The following AEBP1 variants were observed in gnomAD, a reference collection of about 807,000 sequenced individuals.
AEBP1 encodes adipocyte enhancer-binding protein 1.
Under a neutral mutation model 116.5 loss-of-function variants are expected in AEBP1, and 69 were observed. The ratio of observed to expected loss-of-function variants is 0.59; its 90% CI spans 0.49 to 0.72. The LOEUF (loss-of-function observed/expected upper bound fraction) is 0.72. Among genes scored for constraint, AEBP1 ranks in the 30% least tolerant of loss-of-function variants. AEBP1 has a pLI of 0.00. For missense variants in AEBP1, 1,444 were observed against 1,557.5 expected (o/e 0.93, Z 1.23); for synonymous variants, 627 against 627.3 (o/e 1.00, Z 0.01).
intron 9 of AEBP1, chr7:44,109,761 G>A: frequency 3.4e-6 from 2 of 581,300 alleles, no homozygotes; most frequent in Non-Finnish European, 6.2e-6. Flanking sequence ...GGCATGGTCA[G>A]CCCGTTCTCC....
At position 44,110,732 on chromosome 7, in the gene AEBP1, T is replaced by A; in HGVS notation, c.1408T>A (p.Phe470Ile). 6.6e-7 allele frequency: 1 copy of A among 1,522,804 alleles called. No individual in the cohort carries two copies. The highest frequency in any genetic ancestry group is 8.8e-7 in the Non-Finnish European group (1 of 1,134,364). The allele number at this position is 1,522,804 out of a possible 1,614,324, so 94.3% of individuals were successfully genotyped here. The change falls in exon 12 of 21, where the codon TTT (phenylalanine) becomes ATT (isoleucine). Residue 470 changes from phenylalanine to isoleucine, a missense_variant. Coordinates refer to ENST00000223357, the MANE Select transcript of AEBP1 (RefSeq NM_001129.5). The part of the protein sequence containing the change: ...QGRDSSIHDD[F>I]VTTFFVGFSN... ...CCACTGTCCACTCCACAGTGACGAT[T>A]TTGTGACCACCTTCTTCGTGGGCTT...
rs890546356 is a variant in AEBP1, at chr7:44,107,971, C to T, written c.863-36C>T. 4.6e-5 allele frequency: 62 copies of T among 1,345,898 alleles called. 1 individual carries two copies. The highest frequency in any genetic ancestry group is 6.1e-5 in the Admixed American group (3 of 48,912). 83.4% of individuals were successfully genotyped at this position (1,345,898 alleles called of 1,614,324 possible). A position where few individuals can be genotyped will look rare whatever the true frequency, so the allele number is the denominator to read the frequency against. On this transcript the variant is annotated intron_variant, in intron 5 of 20. Transcript: ENST00000223357. This position sits in a 1 kb window ranked among gnomAD's most constrained non-coding sequence, Gnocchi z 4.3. Reference sequence around the variant, plus strand: ...AGGAGAGGAGGTGCCATGGCCACGGCGCTCTGGCCCCCTCCTAACCTCCCC... The same window carrying T: ...AGGAGAGGAGGTGCCATGGCCACGGTGCTCTGGCCCCCTCCTAACCTCCCC...
At chr7:44,110,377 G>A (rs2096227936) in intron 11 of AEBP1, 31 bp downstream of exon 11, 3 of 1,613,218 alleles carry the variant, frequency 1.9e-6, no homozygotes, top group Middle Eastern at 1.7e-4. Context: ...ATAGTTGGCA[G>A]AGGGGAGTGG....
intron 12 of AEBP1, 31 bp downstream of exon 12, chr7:44,110,840 CTCCCATTG>C: frequency 6.2e-7 from 1 of 1,606,718 alleles, no homozygotes; most frequent in South Asian, 1.1e-5. Context: ...CTTGGCTCTG[CTCCCATTG>C]TCTGGGCGAG....
rs756077372 is a variant in AEBP1, at chr7:44,113,893, C to G, written c.3109C>G (p.Arg1037Gly). 1.9e-6 allele frequency: 3 copies of G among 1,613,040 alleles called. No individual in the cohort carries two copies. Among genetic ancestry groups the G allele is most frequent in the Admixed American group, 1.7e-5 (1 of 59,980 alleles). ...GCTTCGGGCACAGATGCGGCTGCGG[C>G]GCCTCAACGCCACCACCACCCTAGG... ...LRLRAQMRLR[R>G]LNATTTLGPH... Residue 1037 changes from arginine to glycine, a missense_variant, in exon 21 of 21, where the codon CGC becomes GGC. By Grantham distance (125) the Arg-to-Gly change is moderately radical (BLOSUM62 -2). Transcript: ENST00000223357. This position sits in a 1 kb window ranked among gnomAD's most constrained non-coding sequence, Gnocchi z 5.3.
At position 44,114,312 on chromosome 7, in the gene AEBP1, C is replaced by T. The variant is rs778202934; in HGVS notation, c.*51C>T. On this transcript the variant is annotated 3_prime_UTR_variant, in exon 21 of 21. Coordinates refer to ENST00000223357, the MANE Select transcript of AEBP1 (RefSeq NM_001129.5). ...CCCAACTCAAGCTACAGCAGCAGCA[C>T]TTCCCAAGCCTGCTGACCACAGTCA... 4 of 1,585,216 alleles carry T rather than the reference C, an allele frequency of 2.5e-6. No homozygotes were observed. The South Asian group carries it at 3.4e-5, about 13-fold the overall frequency.
Position 44,113,252 on chromosome 7 carries a change from G to A in AEBP1, c.2710G>A (p.Val904Met). 2.5e-6 allele frequency: 4 copies of A among 1,613,758 alleles called. No individual in the cohort carries two copies. The highest frequency in any genetic ancestry group is 3.4e-6 in the Non-Finnish European group (4 of 1,179,912). Residue 904 changes from valine to methionine, a missense_variant and splice_region_variant, in exon 20 of 21, where the codon GTG becomes ATG. By Grantham distance (21) the Val-to-Met change is conservative (BLOSUM62 1). Coordinates refer to ENST00000223357, the MANE Select transcript of AEBP1 (RefSeq NM_001129.5). The surrounding 1 kb of genome is among the most constrained non-coding windows in gnomAD (Gnocchi z 5.3). ...CAGCAGCCCTCACCTGCTTCCCTAG[G>A]TGCACCGCGGCATTAAGGGGGTGGT... The part of the protein sequence containing the change: ...KEALLTFMEQ[V>M]HRGIKGVVTD...
chr7:44,107,980 C>A lies in AEBP1; in HGVS notation c.863-27C>A. On this transcript the variant is annotated intron_variant, in intron 5 of 20. Transcript: ENST00000223357. This position sits in a 1 kb window ranked among gnomAD's most constrained non-coding sequence, Gnocchi z 4.3. Reference sequence around the variant, plus strand: ...GGTGCCATGGCCACGGCGCTCTGGCCCCCTCCTAACCTCCCCGCCTCCCCA... The same window carrying A: ...GGTGCCATGGCCACGGCGCTCTGGCACCCTCCTAACCTCCCCGCCTCCCCA... The A allele has an allele frequency of 6.4e-7, 1 of 1,571,786 alleles. No individual in the cohort carries two copies. Among genetic ancestry groups the A allele is most frequent in the South Asian group, 1.2e-5 (1 of 86,192 alleles).
rs1264043110 is a variant in AEBP1, at chr7:44,107,775, C to T, written c.740-34C>T. ...GATGTGCCAATGGGCCCATCCCAGC[C>T]TTGGGCCCCACTCTGAGCCAGCCTC... is the stretch of plus-strand genomic sequence containing the variant. On this transcript the variant is annotated intron_variant, in intron 4 of 20. Coordinates refer to ENST00000223357, the MANE Select transcript of AEBP1 (RefSeq NM_001129.5). The surrounding 1 kb of genome is among the most constrained non-coding windows in gnomAD (Gnocchi z 4.3). The T allele has an allele frequency of 3.7e-6, 6 of 1,612,694 alleles. No homozygotes were observed. The highest frequency in any genetic ancestry group is 3.3e-4 in the Middle Eastern group (2 of 6,060).
rs2096231728 is a variant in AEBP1, at chr7:44,113,070, G to C, written c.2649G>C (p.Glu883Asp). ...TGGGCTGTGACAAGTTCCCTCATGA[G>C]AGTGAGCTGCCCCGCGAGTGGGAGA... is the stretch of plus-strand genomic sequence containing the variant. ...FYLGCDKFPHESELPREWENN... is the reference protein window; with the variant it reads ...FYLGCDKFPHDSELPREWENN... The change falls in exon 19 of 21, where the codon GAG becomes GAC. Residue 883 changes from glutamate (E) to aspartate (D), a missense_variant. Transcript: ENST00000223357. The surrounding 1 kb of genome is among the most constrained non-coding windows in gnomAD (Gnocchi z 5.3). The C allele has an allele frequency of 3.1e-6, 5 of 1,614,140 alleles. No individual in the cohort carries two copies. Among genetic ancestry groups the C allele is most frequent in the Non-Finnish European group, 4.2e-6 (5 of 1,180,026 alleles).
chr7:44,111,091 G>A lies in AEBP1; in HGVS notation c.1630+34G>A, dbSNP rs2096228865. 1 of 1,597,194 alleles carries A rather than the reference G, an allele frequency of 6.3e-7. No individual in the cohort carries two copies. Among genetic ancestry groups the A allele is most frequent in the Non-Finnish European group, 8.5e-7 (1 of 1,169,712 alleles). On this transcript the variant is annotated intron_variant, in intron 13 of 20. Coordinates refer to ENST00000223357, the MANE Select transcript of AEBP1 (RefSeq NM_001129.5). The surrounding 1 kb of genome is among the most constrained non-coding windows in gnomAD (Gnocchi z 4.7). ...GGAGGGCTGGCAGGGGCTCTGAGTG[G>A]AGGTGGGGTGCTAGGGTGGGCCAGC...
intron 1 of AEBP1, chr7:44,106,033 C>T: frequency 2.7e-6 from 1 of 368,530 alleles, no homozygotes; most frequent in Non-Finnish European, 5.3e-6. Context: ...AGACCACTTC[C>T]TCTTCTTTGG....
Position 44,111,458 on chromosome 7 carries a change from CG to C in AEBP1, c.1717-44del. On this transcript the variant is annotated intron_variant, in intron 14 of 20. Transcript: ENST00000223357. The surrounding 1 kb of genome is among the most constrained non-coding windows in gnomAD (Gnocchi z 4.7). ...CTGGAAGTGGAAGGGGCATGGTCAG[CG>C]GGGGACGGATTGCATGATTGATTCC... 2 of 1,539,740 alleles carry C rather than the reference CG, an allele frequency of 1.3e-6. No homozygotes were observed. The highest frequency in any genetic ancestry group is 2.5e-5 in the South Asian group (2 of 79,226).
rs200698594 is a variant in AEBP1, at chr7:44,106,799, G to A, written c.507G>A (p.Arg169=). Residue 169 remains arginine, a synonymous_variant, in exon 2 of 21, where the codon AGG becomes AGA. Transcript: ENST00000223357. ...CCAAGAAGCCCCCGTCAGGGAAGAG[G>A]CCCCCCATTCTGGCTCCCTCAGAAA... ...KATKKPPSGK[R]PPILAPSETL... is the part of the protein sequence containing the mutation. The A allele has an allele frequency of 3.8e-5, 62 of 1,611,048 alleles. 1 individual carries two copies. The Admixed American group carries it at 6.7e-4, about 17-fold the overall frequency.
rs1321585463 is a variant in AEBP1 at position 44,106,581 on chromosome 7, G to A, written c.289G>A (p.Gly97Ser). 2 of 1,607,330 alleles carry A rather than the reference G, an allele frequency of 1.2e-6. No individual in the cohort carries two copies. The highest frequency in any genetic ancestry group is 2.7e-5 in the African/African-American group (2 of 74,318). ...PEKTKDKGKK[G>S]KKDKGPKVPK... ...AAAGACCAAAGACAAAGGGAAGAAA[G>A]GCAAGAAAGACAAAGGCCCCAAGGT... is the stretch of plus-strand genomic sequence containing the variant. The change falls in exon 2 of 21, where the codon GGC becomes AGC. Residue 97 changes from glycine (G) to serine (S), a missense_variant. Coordinates refer to ENST00000223357, the MANE Select transcript of AEBP1 (RefSeq NM_001129.5).
Position 44,112,175 on chromosome 7 carries a change from T to C in AEBP1, c.2071T>C (p.Trp691Arg). The C allele has an allele frequency of 1.9e-6, 3 of 1,605,494 alleles. No individual in the cohort carries two copies. Among genetic ancestry groups the C allele is most frequent in the South Asian group, 1.1e-5 (1 of 90,624 alleles). The change falls in exon 17 of 21, where the codon TGG becomes CGG. Residue 691 changes from tryptophan (W) to arginine (R), a missense_variant. Transcript: ENST00000223357. This position sits in a 1 kb window ranked among gnomAD's most constrained non-coding sequence, Gnocchi z 6.6. Reference protein sequence around the residue: ...SEFGNWALGLWTEEGFDIFED... With the variant: ...SEFGNWALGLRTEEGFDIFED... ...GTTTGGGAACTGGGCGCTGGGACTG[T>C]GGACTGAGGAGGGCTTTGACATCTT... is the stretch of plus-strand genomic sequence containing the variant.
chr7:44,110,209 C>T lies in AEBP1; in HGVS notation c.1263C>T (p.Thr421=), dbSNP rs369588798. 16 of 1,613,492 alleles carry T rather than the reference C, an allele frequency of 9.9e-6. No individual in the cohort carries two copies. In the Admixed American group the frequency reaches 1.0e-4, roughly 10 times the overall value. ...GAQRGRLNMQ[T]GATEDDYYDG... ...AGCCTCCCCTGCCCCCTGGACAGAC[C>T]GGTGCCACTGAGGACGACTACTATG... The change falls in exon 11 of 21, where the codon ACC becomes ACT. Residue 421 remains threonine (T), a splice_region_variant and synonymous_variant. Transcript: ENST00000223357.
intron 7 of AEBP1, 23 bp from the exon 8 acceptor site, chr7:44,109,084 C>A (rs2096226091): frequency 6.2e-7 from 1 of 1,613,088 alleles, no homozygotes; most frequent in Non-Finnish European, 8.5e-7. Context: ...GCTGACTGGC[C>A]CCTCCTACCT....
Position 44,107,797 on chromosome 7 carries a change from C to G in AEBP1, c.740-12C>G. The G allele has an allele frequency of 6.2e-7, 1 of 1,612,202 alleles. No homozygotes were observed. Among genetic ancestry groups the G allele is most frequent in the East Asian group, 2.2e-5 (1 of 44,796 alleles). On this transcript the variant is annotated splice_polypyrimidine_tract_variant and intron_variant, in intron 4 of 20. Transcript: ENST00000223357. This position sits in a 1 kb window ranked among gnomAD's most constrained non-coding sequence, Gnocchi z 4.3. The stretch of plus-strand genomic sequence containing the variant: ...AGCCTTGGGCCCCACTCTGAGCCAG[C>G]CTCCCCCTCAGTTGAGTACATTCGG...
Sources: allele counts gnomAD v4.1 joint callset, GRCh38; gene constraint gnomAD v4.1.1; non-coding constraint Gnocchi (gnomAD v3.1); transcripts MANE v1.5; gene names NCBI Gene and HGNC (gene_info 2026-07-23, HGNC 2026-07-21).